Variants in GABRB1 observed in about 807,000 individuals in gnomAD.
GABRB1 encodes the protein gamma-aminobutyric acid type A receptor subunit beta1, also known as gamma-aminobutyric acid receptor subunit beta-1.
Under a neutral mutation model 51.6 loss-of-function variants are expected in GABRB1, and 17 were observed. The ratio of observed to expected loss-of-function variants is 0.33; its 90% CI spans 0.23 to 0.49. The LOEUF is 0.49. Ranked by LOEUF, GABRB1 falls within the 20% of genes least tolerant of loss-of-function variation. The pLI is 0.99. For synonymous variants in GABRB1, 247 were observed against 218.9 expected (o/e 1.13, Z -1.14); for missense variants, 410 against 600.6 (o/e 0.68, Z 3.32).
intron 3 of GABRB1, among the ~76,000 whole-genome samples, chr4:47,094,742 T>C (rs1714314275): frequency 6.7e-6 from 1 of 148,924 alleles, no homozygotes; most frequent in Admixed American, 6.7e-5. Context: ...AACCTGCACA[T>C]GTACCCATGA....
chr4:47,344,860 C>T (rs768957326), intron 5 of GABRB1, among the ~76,000 whole-genome samples: 4 of 151,992 alleles, frequency 2.6e-5, no homozygotes, highest in Non-Finnish European at 4.4e-5. Context: ...GTAGCTGGGA[C>T]TACAGGTGTG....
chr4:47,048,187 A>G (rs776988615), intron 3 of GABRB1, among the ~76,000 whole-genome samples: 5 of 152,156 alleles, frequency 3.3e-5, no homozygotes, highest in Non-Finnish European at 7.3e-5. Flanking sequence ...TAGTATATAT[A>G]CTTGAGGATT....
intron 3 of GABRB1, among the ~76,000 whole-genome samples, chr4:47,043,608 G>A (rs1219577817): frequency 6.6e-6 from 1 of 151,956 alleles, no homozygotes; most frequent in African/African-American, 2.4e-5. Context: ...CTGCAAAATG[G>A]ACAGAGATAT....
intron 3 of GABRB1, among the ~76,000 whole-genome samples, chr4:47,099,326 T>C (rs774611750): frequency 1.3e-5 from 2 of 152,098 alleles, no homozygotes; most frequent in African/African-American, 2.4e-5. Context: ...CTGTAGAGAA[T>C]AGAATGATTT....
Position 47,425,665 on chromosome 4 carries a change from T to TG in GABRB1, c.1081-8dup. On this transcript the variant is annotated splice_polypyrimidine_tract_variant and intron_variant, in intron 8 of 8. Transcript: ENST00000295454. ...AACTTGTGTCCGAGCCTGTTCTTTT[T>TG]GCCATCAGGTCGACGCCCACGGTAA... is the stretch of plus-strand genomic sequence containing the variant. 1 of 1,578,128 alleles carries TG rather than the reference T, an allele frequency of 6.3e-7. No homozygotes were observed. Among genetic ancestry groups the TG allele is most frequent in the East Asian group, 2.2e-5 (1 of 44,464 alleles).
chr4:47,400,936 T>G (rs903775517), intron 5 of GABRB1, among the ~76,000 whole-genome samples: 3 of 144,936 alleles, frequency 2.1e-5, no homozygotes, highest in African/African-American at 7.6e-5. Context: ...TTTTTTTTTT[T>G]TTTTTTTTTT....
chr4:47,085,589 C>G (rs1034432555), intron 3 of GABRB1, among the ~76,000 whole-genome samples: 2 of 152,110 alleles, frequency 1.3e-5, no homozygotes, highest in African/African-American at 4.8e-5. Context: ...AAAAAAATCT[C>G]ACTTCTCAAC....
chr4:47,163,784 A>T (rs1718060631), intron 4 of GABRB1, among the ~76,000 whole-genome samples: 1 of 151,986 alleles, frequency 6.6e-6, no homozygotes, highest in Non-Finnish European at 1.5e-5. Context: ...TCAGTAAGCC[A>T]TTTCACCTCC....
chr4:47,389,691 A>G lies in GABRB1; in HGVS notation c.545-13627A>G, dbSNP rs545987746. Among the ~76,000 whole-genome samples, 30 of 152,332 alleles carry G rather than the reference A, an allele frequency of 2.0e-4. No individual in the cohort carries two copies. In the South Asian group the frequency reaches 6.0e-3, roughly 31 times the overall value. ...AGGAACCCAAAGTAGCCTTTTGAATAATTGTTATGCACATCTGGAGCCACT... is the reference window on the plus strand; with the variant it reads ...AGGAACCCAAAGTAGCCTTTTGAATGATTGTTATGCACATCTGGAGCCACT... On this transcript the variant is annotated intron_variant, in intron 5 of 8. Transcript: ENST00000295454.
chr4:47,261,603 A>C (rs1209261352), intron 4 of GABRB1, among the ~76,000 whole-genome samples: 1 of 152,138 alleles, frequency 6.6e-6, no homozygotes, highest in Non-Finnish European at 1.5e-5. Flanking sequence ...ATATCGTGAA[A>C]ATGGCCATAC....
chr4:47,380,590 G>T (rs1727560844), intron 5 of GABRB1, among the ~76,000 whole-genome samples: 1 of 152,188 alleles, frequency 6.6e-6, no homozygotes, highest in Non-Finnish European at 1.5e-5. Flanking sequence ...TCTGGAAATT[G>T]ATCATCCGTC....
intron 4 of GABRB1, among the ~76,000 whole-genome samples, chr4:47,193,850 G>GA (rs1453585833): frequency 6.6e-6 from 1 of 152,090 alleles, no homozygotes; most frequent in Non-Finnish European, 1.5e-5. Flanking sequence ...TTCATCATCT[G>GA]ACAATGATAG....
Position 47,031,952 on chromosome 4 carries a change from C to G in GABRB1, c.119C>G (p.Thr40Arg), listed in dbSNP as rs1417092253. The G allele has an allele frequency of 6.2e-7, 1 of 1,613,674 alleles. No homozygotes were observed. The highest frequency in any genetic ancestry group is 8.5e-7 in the Non-Finnish European group (1 of 1,180,006). The change falls in exon 2 of 9, where the codon ACA (threonine) becomes AGA (arginine). Residue 40 changes from threonine (T) to arginine (R), a missense_variant. Around this residue, in one of 5 missense-constraint regions of GABRB1, gnomAD observed 56 missense variants for 54.8 expected, o/e 1.02. Transcript: ENST00000295454. Reference protein sequence around the residue: ...EPSNMSYVKETVDRLLKGYDI... With the variant: ...EPSNMSYVKERVDRLLKGYDI... ...AGCAACATGTCATACGTGAAAGAGA[C>G]AGTGGACAGATTGCTCAAAGGATAT...
intron 4 of GABRB1, among the ~76,000 whole-genome samples, chr4:47,225,255 G>C (rs1720906775): frequency 1.3e-5 from 2 of 152,238 alleles, no homozygotes. Flanking sequence ...CCATAGAGAG[G>C]TTTCAGGAGT....
chr4:47,008,881 T>TTTTTTTTTTTTTTTTA, intron 1 of GABRB1, among the ~76,000 whole-genome samples: 1 of 129,960 alleles, frequency 7.7e-6, no homozygotes. Context: ...TTTTTTTTTT[T>TTTTTTTTTTTTTTTTA]TGAGACGAGT....
chr4:47,398,113 G>A (rs7700221), intron 5 of GABRB1, among the ~76,000 whole-genome samples: 81,585 of 151,756 alleles, frequency 0.54, 23,532 homozygotes, highest in African/African-American at 0.73. Context: ...CATATTTCTG[G>A]CCAAATTTAT....
At chr4:47,040,437 C>T (rs1227081077) in intron 3 of GABRB1, among the ~76,000 whole-genome samples, 9 of 152,036 alleles carry the variant, frequency 5.9e-5, no homozygotes, top group Admixed American at 5.9e-4. Context: ...AATTTAGTGA[C>T]TCTTTGGATG....
intron 5 of GABRB1, among the ~76,000 whole-genome samples, chr4:47,348,329 C>T (rs75095169): frequency 0.028 from 4,272 of 152,226 alleles, 236 homozygotes; most frequent in African/African-American, 0.096. Context: ...CATATAAACT[C>T]AGAGTCAGGA....
intron 4 of GABRB1, among the ~76,000 whole-genome samples, chr4:47,274,222 A>T (rs1722986181): frequency 5.9e-5 from 9 of 152,186 alleles, no homozygotes; most frequent in Admixed American, 5.9e-4. Flanking sequence ...AATAATAAAA[A>T]CAATATCATC....
Sources: gnomAD v4.1 joint callset for allele counts (sites outside exome capture counted in the v4.1 genomes callset) on GRCh38, gnomAD v4.1.1 for gene constraint, gnomAD v4.1.1 regional missense constraint, MANE v1.5 for transcripts, NCBI Gene and HGNC (gene_info 2026-07-23, HGNC 2026-07-21) for gene names.